The following TAFA2 variants were observed in gnomAD, a reference collection of about 807,000 sequenced individuals.
TAFA2 encodes the protein TAFA chemokine like family member 2.
TAFA2 carries 7 observed loss-of-function variants against 18.8 expected under a neutral mutation model. The observed-to-expected ratio is 0.37, with a 90% CI of 0.21 to 0.70. TAFA2 has a LOEUF of 0.70. Ranked by LOEUF, TAFA2 falls within the 30% of genes least tolerant of loss-of-function variation. TAFA2 has a pLI of 0.53. For missense variants in TAFA2, 122 were observed against 158.1 expected (o/e 0.77, Z 1.23); for synonymous variants, 60 against 54.2 (o/e 1.11, Z -0.47).
At chr12:61,880,617 G>GC (rs931584039) in intron 1 of TAFA2, 1 of 416,498 alleles carries the variant, frequency 2.4e-6, no homozygotes, top group South Asian at 1.8e-5. Context: ...GGCCTCACAA[G>GC]CCCCCCTCCT....
chr12:61,996,123 A>G (rs1026289874), intron 1 of TAFA2, among the ~76,000 whole-genome samples: 1 of 152,078 alleles, frequency 6.6e-6, no homozygotes, highest in Non-Finnish European at 1.5e-5. Context: ...TGACTATAGG[A>G]TAATGCTAAT....
intron 1 of TAFA2, among the ~76,000 whole-genome samples, chr12:62,003,686 T>TCTA (rs1389077207): frequency 6.6e-6 from 1 of 152,218 alleles, no homozygotes; most frequent in African/African-American, 2.4e-5. Context: ...TTCTCTCCTG[T>TCTA]CTACCACCAC....
At chr12:61,837,534 A>C (rs1490181617) in intron 2 of TAFA2, among the ~76,000 whole-genome samples, 1 of 151,992 alleles carries the variant, frequency 6.6e-6, no homozygotes, top group African/African-American at 2.4e-5. Flanking sequence ...AAATTAAATC[A>C]TTTTGAATCT....
intron 2 of TAFA2, among the ~76,000 whole-genome samples, chr12:61,770,872 G>T (rs1164490887): frequency 6.6e-6 from 1 of 152,052 alleles, no homozygotes; most frequent in Non-Finnish European, 1.5e-5. Flanking sequence ...CTAGTACAGT[G>T]AATAGAAGAG....
At chr12:62,169,243 C>G (rs559260327) in intron 1 of TAFA2, among the ~76,000 whole-genome samples, 1 of 152,042 alleles carries the variant, frequency 6.6e-6, no homozygotes, top group South Asian at 2.1e-4. Flanking sequence ...ATAAGCTGGC[C>G]TTGTAAAAGT....
At chr12:62,197,783 C>G (rs532326340) in intron 1 of TAFA2, among the ~76,000 whole-genome samples, 1 of 152,288 alleles carries the variant, frequency 6.6e-6, no homozygotes, top group Admixed American at 6.5e-5. Flanking sequence ...AGCAATAGGT[C>G]ATTCTTTTTT....
chr12:62,120,773 C>T (rs1431793585), intron 1 of TAFA2, among the ~76,000 whole-genome samples: 2 of 152,086 alleles, frequency 1.3e-5, no homozygotes, highest in African/African-American at 4.8e-5. Flanking sequence ...TCCAGAGTCT[C>T]TAGTGGGGTA....
intron 1 of TAFA2, among the ~76,000 whole-genome samples, chr12:61,903,680 T>C (rs936831524): frequency 1.3e-5 from 2 of 152,178 alleles, no homozygotes; most frequent in African/African-American, 4.8e-5. Flanking sequence ...AATTTTAAAA[T>C]ATTGGATAAA....
chr12:62,247,306 G>T (rs1037115550), intron 1 of TAFA2, among the ~76,000 whole-genome samples: 1 of 152,060 alleles, frequency 6.6e-6, no homozygotes, highest in African/African-American at 2.4e-5. Flanking sequence ...TTATTATTGT[G>T]TAGTATTAAA....
At chr12:61,776,517 AAGG>A (rs1243934760) in intron 2 of TAFA2, 1 of 151,906 alleles carries the variant, frequency 6.6e-6, no homozygotes, top group African/African-American at 2.4e-5. Context: ...ATAAAGAAAG[AAGG>A]AGGGGTCAGG....
At chr12:61,851,399 AT>A (rs1303617874) in intron 2 of TAFA2, among the ~76,000 whole-genome samples, 2 of 152,204 alleles carry the variant, frequency 1.3e-5, no homozygotes, top group African/African-American at 4.8e-5. Context: ...GCTCTGGATC[AT>A]TCTGAGTAAG....
chr12:62,158,486 A>C (rs1592372908), intron 1 of TAFA2, among the ~76,000 whole-genome samples: 1 of 152,330 alleles, frequency 6.6e-6, no homozygotes, highest in South Asian at 2.1e-4. Context: ...GCACGTAAGA[A>C]GCTATTTTTC....
chr12:61,852,024 A>G (rs1873690945), intron 2 of TAFA2, among the ~76,000 whole-genome samples: 1 of 151,474 alleles, frequency 6.6e-6, no homozygotes. Context: ...CCTGACCAAC[A>G]TGGAGAAACC....
chr12:61,784,049 T>C lies in TAFA2; in HGVS notation c.107-29025A>G, dbSNP rs890773878. ...TACTTTATGAAAATAGCATAACCTA[T>C]ATTTTGTCCCCAAGGTTTGGGGAGC... On this transcript the variant is annotated intron_variant, in intron 2 of 4. Transcript: ENST00000416284. Among the ~76,000 whole-genome samples the C allele has an allele frequency of 2.6e-5, 4 of 151,582 alleles. No individual in the cohort carries two copies. In the South Asian group the frequency reaches 8.3e-4, roughly 32 times the overall value.
At chr12:62,203,362 C>T (rs2062679665) in intron 1 of TAFA2, among the ~76,000 whole-genome samples, 1 of 152,182 alleles carries the variant, frequency 6.6e-6, no homozygotes, top group African/African-American at 2.4e-5. Context: ...TCCACTTGAT[C>T]CAGAGCTGAG....
At chr12:62,094,749 T>TA (rs11422715) in intron 1 of TAFA2, among the ~76,000 whole-genome samples, 28,173 of 151,330 alleles carry the variant, frequency 0.19, 2,859 homozygotes, top group East Asian at 0.39. Flanking sequence ...ATTTTACACA[T>TA]AAAAAAAATG....
Position 61,760,569 on chromosome 12 carries a change from A to G in TAFA2, c.107-5545T>C, listed in dbSNP as rs202242346. 9.9e-5 allele frequency among the ~76,000 whole-genome samples: 15 copies of G among 151,726 alleles called. No homozygotes were observed. The East Asian group carries it at 2.9e-3, about 30-fold the overall frequency. On this transcript the variant is annotated intron_variant, in intron 2 of 4. Transcript: ENST00000416284. ...TAATTTTTCATGTAAACTGCTCAGTATGTGGTATGTGTTTAATAAATGGTA... is the reference window on the plus strand; with the variant it reads ...TAATTTTTCATGTAAACTGCTCAGTGTGTGGTATGTGTTTAATAAATGGTA...
intron 1 of TAFA2, among the ~76,000 whole-genome samples, chr12:61,934,362 G>T (rs1182570596): frequency 6.6e-6 from 1 of 152,086 alleles, no homozygotes; most frequent in East Asian, 1.9e-4. Context: ...AATTCCAGAA[G>T]AACTCAGAAA....
intron 2 of TAFA2, among the ~76,000 whole-genome samples, chr12:61,820,539 G>A (rs1872276404): frequency 6.6e-6 from 1 of 150,670 alleles, no homozygotes; most frequent in South Asian, 2.1e-4. Flanking sequence ...GGAGGAGAAA[G>A]AAAGGAAGGA....
Sources: gnomAD v4.1 joint callset for allele counts (sites outside exome capture counted in the v4.1 genomes callset) on GRCh38, gnomAD v4.1.1 for gene constraint, MANE v1.5 for transcripts, NCBI Gene and HGNC (gene_info 2026-07-23, HGNC 2026-07-21) for gene names.